PTPRN2: variants seen among roughly 807,000 people sequenced by gnomAD.
The protein encoded by PTPRN2 is protein tyrosine phosphatase receptor type N2, also known as receptor-type tyrosine-protein phosphatase N2.
A neutral mutation model predicts 118.8 loss-of-function variants in PTPRN2; 74 were observed. The ratio of observed to expected loss-of-function variants is 0.62; its 90% confidence interval spans 0.52 to 0.76. The LOEUF (loss-of-function observed/expected upper bound fraction) is 0.76, where lower values mean the gene tolerates loss of function less well. PTPRN2 is among the 30% of genes least tolerant of loss of function. The pLI is 0.00. For missense variants in PTPRN2, 1,481 were observed against 1,394.4 expected (o/e 1.06, Z -0.99); for synonymous variants, 641 against 608.0 (o/e 1.05, Z -0.80).
chr7:157,774,424 C>T (rs1250577247), intron 12 of PTPRN2, among the ~76,000 whole-genome samples: 2 of 152,176 alleles, frequency 1.3e-5, no homozygotes, highest in Non-Finnish European at 2.9e-5. Context: ...CTAGGGTGGG[C>T]CTGCGAGGGT....
chr7:157,607,780 G>C (rs1802091641), intron 15 of PTPRN2, among the ~76,000 whole-genome samples: 1 of 152,172 alleles, frequency 6.6e-6, no homozygotes, highest in African/African-American at 2.4e-5. Context: ...TTAAGAAAAT[G>C]CTTCCCTAGC....
chr7:157,572,122 A>G (rs1300819227), intron 19 of PTPRN2, among the ~76,000 whole-genome samples: 1 of 152,252 alleles, frequency 6.6e-6, no homozygotes, highest in Admixed American at 6.5e-5. Flanking sequence ...AGAAATGAGC[A>G]TATATTTAAG....
At chr7:157,695,968 T>C (rs1324322925) in intron 12 of PTPRN2, among the ~76,000 whole-genome samples, 2 of 148,450 alleles carry the variant, frequency 1.3e-5, no homozygotes, top group East Asian at 2.0e-4. Context: ...TACCCATGCA[T>C]ACTGGGTCTT....
intron 11 of PTPRN2, among the ~76,000 whole-genome samples, chr7:158,054,617 C>A (rs557779983): frequency 3.4e-4 from 52 of 152,338 alleles, no homozygotes; most frequent in African/African-American, 1.3e-3. Flanking sequence ...AATCTGGCAA[C>A]CAGGAGAGGC....
intron 3 of PTPRN2, among the ~76,000 whole-genome samples, chr7:158,275,992 T>C (rs930301771): frequency 6.6e-6 from 1 of 152,182 alleles, no homozygotes; most frequent in Non-Finnish European, 1.5e-5. Flanking sequence ...CCCCGCCGCC[T>C]TACACGTGCT....
intron 11 of PTPRN2, among the ~76,000 whole-genome samples, chr7:158,016,488 C>T (rs1806470185): frequency 6.6e-6 from 1 of 152,208 alleles, no homozygotes; most frequent in Admixed American, 6.5e-5. Flanking sequence ...CTCTGAAGGT[C>T]ATTAGAGATG....
chr7:158,572,712 G>A (rs1015397190), intron 1 of PTPRN2, among the ~76,000 whole-genome samples: 42 of 152,148 alleles, frequency 2.8e-4, no homozygotes, highest in African/African-American at 9.4e-4. Flanking sequence ...TGTTTTTGGT[G>A]CCAGGGTCAT....
In PTPRN2 at chr7:158,529,558, G is replaced by A. The variant is rs964243632; in HGVS notation, c.113-39773C>T. Reference sequence around the variant, plus strand: ...GAGTGCTCTGTATTAGATATTTTGTGCATTTTTGACCAAAATGAGTCAAAT... The same window carrying A: ...GAGTGCTCTGTATTAGATATTTTGTACATTTTTGACCAAAATGAGTCAAAT... On this transcript the variant is annotated intron_variant, in intron 1 of 22. Coordinates refer to ENST00000389418, the MANE Select transcript of PTPRN2 (RefSeq NM_002847.5). The surrounding 1 kb of genome is among the most constrained non-coding windows in gnomAD (Gnocchi z 4.7). 6.6e-6 allele frequency among the ~76,000 whole-genome samples: 1 copy of A among 152,220 alleles called. No homozygotes were observed. Among genetic ancestry groups the A allele is most frequent in the African/African-American group, 2.4e-5 (1 of 41,458 alleles).
At chr7:158,506,089 G>A (rs547220355) in intron 1 of PTPRN2, among the ~76,000 whole-genome samples, 1 of 146,488 alleles carries the variant, frequency 6.8e-6, no homozygotes, top group East Asian at 2.2e-4. Context: ...TCTGGTACAG[G>A]GCACACAAGG....
At chr7:158,281,882 C>CA (rs1799452581) in intron 3 of PTPRN2, among the ~76,000 whole-genome samples, 1 of 152,254 alleles carries the variant, frequency 6.6e-6, no homozygotes, top group Non-Finnish European at 1.5e-5. Context: ...CTGAGCCCCG[C>CA]ATAACTCACT....
rs1806157009 is a variant in PTPRN2, at chr7:157,813,039, T to A, written c.1788+85634A>T. Among the ~76,000 whole-genome samples the A allele has an allele frequency of 6.6e-6, 1 of 152,088 alleles. No individual in the cohort carries two copies. Among genetic ancestry groups the A allele is most frequent in the South Asian group, 2.1e-4 (1 of 4,824 alleles). ...CTTCTGTTAAAAAGAGATGACTCGG[T>A]GACAAACAGGAGGACGGTGCTCAAA... On this transcript the variant is annotated intron_variant, in intron 12 of 22. Transcript: ENST00000389418. The surrounding 1 kb of genome is among the most constrained non-coding windows in gnomAD (Gnocchi z 4.7).
At chr7:157,601,280 A>G (rs1311144776) in intron 16 of PTPRN2, among the ~76,000 whole-genome samples, 1 of 152,172 alleles carries the variant, frequency 6.6e-6, no homozygotes, top group Admixed American at 6.5e-5. Context: ...AATATGACAG[A>G]TGTAATTATC....
At chr7:157,904,665 G>A (rs772554159) in intron 11 of PTPRN2, among the ~76,000 whole-genome samples, 32 of 152,374 alleles carry the variant, frequency 2.1e-4, no homozygotes, top group Middle Eastern at 3.4e-3. Context: ...TCTGTGGGGC[G>A]TCAGCTGACT....
At chr7:158,238,923 G>C (rs563384367) in intron 3 of PTPRN2, among the ~76,000 whole-genome samples, 1 of 141,476 alleles carries the variant, frequency 7.1e-6, no homozygotes, top group Admixed American at 6.7e-5. Flanking sequence ...CCCCCAGGAC[G>C]CCCCCAGGAC....
intron 11 of PTPRN2, among the ~76,000 whole-genome samples, chr7:158,014,836 ACATC>A (rs1459493473): frequency 6.7e-6 from 1 of 150,340 alleles, no homozygotes; most frequent in African/African-American, 2.5e-5. Context: ...CATCCACCAC[ACATC>A]CATCCATCTA....
chr7:157,628,238 A>C (rs1263342940), intron 14 of PTPRN2, among the ~76,000 whole-genome samples: 1 of 152,230 alleles, frequency 6.6e-6, no homozygotes, highest in Non-Finnish European at 1.5e-5. Context: ...TTTGAGGGAG[A>C]ATGTGTTCAC....
At chr7:158,096,800 G>A (rs545562748) in intron 10 of PTPRN2, among the ~76,000 whole-genome samples, 15 of 152,332 alleles carry the variant, frequency 9.8e-5, no homozygotes, top group African/African-American at 3.4e-4. Flanking sequence ...AACATTGCCC[G>A]TGAGGGCCGG....
At chr7:158,332,835 G>C (rs1393038309) in intron 2 of PTPRN2, among the ~76,000 whole-genome samples, 4 of 149,414 alleles carry the variant, frequency 2.7e-5, no homozygotes, top group South Asian at 4.2e-4. Context: ...CACCATAAGA[G>C]GTGACACATG....
At chr7:157,994,158 A>G (rs957147369) in intron 11 of PTPRN2, among the ~76,000 whole-genome samples, 2 of 152,118 alleles carry the variant, frequency 1.3e-5, no homozygotes, top group African/African-American at 4.8e-5. Flanking sequence ...ACTTCACTAC[A>G]GGCCATTAAT....
Sources: allele counts gnomAD v4.1 joint callset (sites outside exome capture counted in the v4.1 genomes callset), GRCh38; gene constraint gnomAD v4.1.1; non-coding constraint Gnocchi (gnomAD v3.1); transcripts MANE v1.5; gene names NCBI Gene and HGNC (gene_info 2026-07-23, HGNC 2026-07-21).